TRPA1: variants seen among roughly 807,000 people sequenced by gnomAD.
TRPA1 encodes ankyrin-like with transmembrane domains 1.
TRPA1 carries 129 observed loss-of-function variants against 131.3 expected under a neutral mutation model. The observed-to-expected ratio is 0.98, with a 90% CI of 0.85 to 1.14. TRPA1 has a LOEUF of 1.14. TRPA1 is among the 50% of genes most tolerant of loss of function. The probability of loss-of-function intolerance (pLI) is 0.00; values close to 1 mark genes in which losing one functional copy is unlikely to be tolerated. For missense variants in TRPA1, 1,304 were observed against 1,354.2 expected (o/e 0.96, Z 0.58); for synonymous variants, 441 against 451.7 (o/e 0.98, Z 0.30).
At chr8:72,079,863 A>C (rs1055019009), upstream of TRPA1, among the ~76,000 whole-genome samples, 2 of 151,924 alleles carry the variant, frequency 1.3e-5, no homozygotes, top group African/African-American at 4.8e-5. Flanking sequence ...TTCTATGTAC[A>C]GTTCATGCAT....
intron 4 of TRPA1, among the ~76,000 whole-genome samples, 168 bp downstream of exon 4, chr8:72,065,283 C>T (rs925789847): frequency 5.3e-5 from 8 of 152,072 alleles, no homozygotes; most frequent in Admixed American, 3.9e-4. Context: ...TCCTCTTAAG[C>T]AGGGAGTACA....
chr8:72,038,991 T>G lies in TRPA1; in HGVS notation c.2169A>C (p.Leu723Phe), dbSNP rs768083459. 6.2e-7 allele frequency: 1 copy of G among 1,613,000 alleles called. No homozygotes were observed. The highest frequency in any genetic ancestry group is 1.1e-5 in the South Asian group (1 of 91,048). Residue 723 changes from leucine (L) to phenylalanine (F), a missense_variant, in exon 19 of 27, where the codon TTA becomes TTC. Physicochemically the swap from Leu to Phe is conservative, Grantham distance 22 (BLOSUM62 0). Coordinates refer to ENST00000262209, the MANE Select transcript of TRPA1 (RefSeq NM_007332.3). ...AYGFRAHMMN[L>F]GSYCLGLIPM... ...GTATGAGACCAAGACAGTAAGATCCTAAATTCATCATATGAGCTCTAAATC... is the reference window on the plus strand; with the variant it reads ...GTATGAGACCAAGACAGTAAGATCCGAAATTCATCATATGAGCTCTAAATC...
Position 72,046,577 on chromosome 8 carries a change from G to A in TRPA1, c.1997C>T (p.Pro666Leu). 1.9e-6 allele frequency: 3 copies of A among 1,594,946 alleles called. No homozygotes were observed. Among genetic ancestry groups the A allele is most frequent in the Non-Finnish European group, 2.6e-6 (3 of 1,165,958 alleles). Reference sequence around the variant, plus strand: ...AGGTGTTTTTTTGGTGAATTCTAATGGACATTGAAGATATTTGAAATTATA... The same window carrying A: ...AGGTGTTTTTTTGGTGAATTCTAATAGACATTGAAGATATTTGAAATTATA... ...IEYNFKYLQC[P>L]LEFTKKTPTQ... The change falls in exon 17 of 27, where the codon CCA becomes CTA. Residue 666 changes from proline to leucine, a missense_variant. Transcript: ENST00000262209.
At chr8:72,051,603 C>T (rs1052641518) in intron 14 of TRPA1, among the ~76,000 whole-genome samples, 9 of 152,110 alleles carry the variant, frequency 5.9e-5, no homozygotes, top group African/African-American at 2.2e-4. Flanking sequence ...GATGATCAGT[C>T]GGAGATTTTT....
At chr8:72,034,170 G>C in intron 22 of TRPA1, 78 bp downstream of exon 22, 1 of 1,352,398 alleles carries the variant, frequency 7.4e-7, no homozygotes, top group Non-Finnish European at 1.0e-6. Flanking sequence ...GCATTTTCTA[G>C]ACTATTTAGA....
upstream of TRPA1, among the ~76,000 whole-genome samples, chr8:72,080,197 G>A (rs1305881264): frequency 6.6e-6 from 1 of 151,816 alleles, no homozygotes; most frequent in South Asian, 2.1e-4. Flanking sequence ...GAAGAGGAGA[G>A]AGTGGATATC....
At position 72,064,426 on chromosome 8, in the gene TRPA1, T is replaced by C. The variant is rs112566725; in HGVS notation, c.553-855A>G. On this transcript the variant is annotated intron_variant, in intron 4 of 26. Transcript: ENST00000262209. The stretch of plus-strand genomic sequence containing the variant: ...ACCAGACTTTAAAAATATATTGTTT[T>C]CTGTAGTATTTTCAACAATACTTTT... 8.5e-3 allele frequency among the ~76,000 whole-genome samples: 1,296 copies of C among 152,150 alleles called. 23 individuals carry two copies. Among genetic ancestry groups the C allele is most frequent in the African/African-American group, 0.029 (1,209 of 41,542 alleles).
At chr8:72,033,415 C>T (rs1461886733) in intron 23 of TRPA1, among the ~76,000 whole-genome samples, 2 of 152,148 alleles carry the variant, frequency 1.3e-5, no homozygotes, top group Non-Finnish European at 2.9e-5. Flanking sequence ...CAGTTGCTGG[C>T]ATTTGGTAGA....
rs576757183 is a variant in TRPA1, at chr8:72,039,908, C to A, written c.2062-111G>T. On this transcript the variant is annotated intron_variant, in intron 17 of 26. Coordinates refer to ENST00000262209, the MANE Select transcript of TRPA1 (RefSeq NM_007332.3). ...ACTGTGTTTGGTATTGTAAAAGTAA[C>A]ACCTATTTTAGAACATTGAAAAAAA... The A allele has an allele frequency of 7.8e-6, 6 of 771,278 alleles. No homozygotes were observed. In the African/African-American group the frequency reaches 8.7e-5, roughly 11 times the overall value. The allele number at this position is 771,278 out of a possible 1,614,324, so 47.8% of individuals were successfully genotyped here.
chr8:72,060,507 AT>A (rs1467010737), intron 7 of TRPA1: 1 of 152,024 alleles, frequency 6.6e-6, no homozygotes, highest in Non-Finnish European at 1.5e-5. Flanking sequence ...TTACTGAATT[AT>A]TTTCATATCA....
At chr8:72,057,460 G>A (rs1805697457) in intron 9 of TRPA1, among the ~76,000 whole-genome samples, 1 of 152,176 alleles carries the variant, frequency 6.6e-6, no homozygotes, top group Admixed American at 6.5e-5. Context: ...GCAAATGCCT[G>A]GGATATAACA....
Position 72,039,686 on chromosome 8 carries a change from A to T in TRPA1, c.2132+41T>A, listed in dbSNP as rs1351992325. On this transcript the variant is annotated intron_variant, in intron 18 of 26. Coordinates refer to ENST00000262209, the MANE Select transcript of TRPA1 (RefSeq NM_007332.3). ...TTTTGAAGGCTTTGTAATAGATCCA[A>T]TAGACACAGCATTAAACAAGAAATA... The T allele has an allele frequency of 2.4e-6, 3 of 1,242,246 alleles. No individual in the cohort carries two copies. In the East Asian group the frequency reaches 7.0e-5, roughly 29 times the overall value. 77.0% of individuals were successfully genotyped at this position (1,242,246 alleles called of 1,614,324 possible).
chr8:72,047,317 G>A (rs180826400), intron 15 of TRPA1, 110 bp from the exon 16 acceptor site: 1 of 811,792 alleles, frequency 1.2e-6, no homozygotes, highest in Non-Finnish European at 2.1e-6. Context: ...CCTTTCCTTG[G>A]TTTCTTGCAT....
intron 10 of TRPA1, 98 bp downstream of exon 10, chr8:72,056,819 G>T (rs1440304888): frequency 8.3e-6 from 7 of 842,172 alleles, no homozygotes; most frequent in Non-Finnish European, 1.3e-5. Context: ...TAAAATTCCA[G>T]AATCAGTTTA....
chr8:72,053,780 C>G lies in TRPA1; in HGVS notation c.1617G>C (p.Lys539Asn). Reference protein sequence around the residue: ...TMKVILDTNLKCTDRLDEDGN... With the variant: ...TMKVILDTNLNCTDRLDEDGN... ...CGTCTTCATCCAGGCGATCTGTGCA[C>G]TTCAAATTAGTATCAAGAATGACCT... Residue 539 changes from lysine to asparagine, a missense_variant, in exon 13 of 27, where the codon AAG (lysine) becomes AAC (asparagine). Coordinates refer to ENST00000262209, the MANE Select transcript of TRPA1 (RefSeq NM_007332.3). 6.2e-7 allele frequency: 1 copy of G among 1,612,598 alleles called. No individual in the cohort carries two copies. The highest frequency in any genetic ancestry group is 2.2e-5 in the East Asian group (1 of 44,864).
At chr8:72,044,171 T>G (rs1020092257) in intron 17 of TRPA1, among the ~76,000 whole-genome samples, 2 of 150,572 alleles carry the variant, frequency 1.3e-5, no homozygotes, top group African/African-American at 4.9e-5. Context: ...GGATGCCCAG[T>G]GGAGCCCGAA....
At chr8:72,036,528 C>T (rs1028142402) in intron 20 of TRPA1, 71 bp from the exon 21 acceptor site, 6 of 1,384,920 alleles carry the variant, frequency 4.3e-6, no homozygotes, top group South Asian at 1.2e-5. Context: ...TATACATGCA[C>T]CCCGTAATAC....
chr8:72,062,960 A>T lies in TRPA1; in HGVS notation c.662-16T>A. 6.2e-7 allele frequency: 1 copy of T among 1,609,874 alleles called. No individual in the cohort carries two copies. Among genetic ancestry groups the T allele is most frequent in the South Asian group, 1.1e-5 (1 of 90,768 alleles). ...TGCTCTTCACCTTGAGAAGAAAATA[A>T]CATTCAACATAACAAATATATAAAA... On this transcript the variant is annotated splice_polypyrimidine_tract_variant and intron_variant, in intron 5 of 26. Transcript: ENST00000262209.
At chr8:72,075,250 C>A in intron 1 of TRPA1, 49 bp downstream of exon 1, 1 of 1,463,828 alleles carries the variant, frequency 6.8e-7, no homozygotes, top group Non-Finnish European at 9.6e-7. Context: ...TCCAGCCGAC[C>A]CCCGCCCGCA....
Sources: gnomAD v4.1 joint callset for allele counts (sites outside exome capture counted in the v4.1 genomes callset) on GRCh38, gnomAD v4.1.1 for gene constraint, MANE v1.5 for transcripts, NCBI Gene and HGNC (gene_info 2026-07-23, HGNC 2026-07-21) for gene names.